Variants in ZNF333 observed in about 807,000 individuals in gnomAD.
The protein encoded by ZNF333 is zinc finger protein 333.
In ZNF333, 61 loss-of-function variants were observed where a neutral mutation model predicts 76.1. The ratio of observed to expected loss-of-function variants is 0.80; its 90% CI spans 0.65 to 0.99. The LOEUF (loss-of-function observed/expected upper bound fraction) is 0.99. ZNF333 is among the 50% of genes least tolerant of loss of function. The probability of loss-of-function intolerance (pLI) is 0.00; values close to 1 mark genes in which losing one functional copy is unlikely to be tolerated. For synonymous variants in ZNF333, 284 were observed against 305.0 expected, an observed-to-expected ratio of 0.93 and a Z score of 0.72; for missense variants, 717 against 822.4, an observed-to-expected ratio of 0.87 and a Z score of 1.57.
At position 14,720,575 on chromosome 19, in the gene ZNF333, A is replaced by G. The variant is rs2042564475; in HGVS notation, c.*1250A>G. 3 of 985,444 alleles carry G rather than the reference A, an allele frequency of 3.0e-6. No individual in the cohort carries two copies. The highest frequency in any genetic ancestry group is 4.7e-5 in the South Asian group (1 of 21,288). 61.0% of individuals were successfully genotyped at this position (985,444 alleles called of 1,614,324 possible). A position where few individuals can be genotyped will look rare whatever the true frequency, so the allele number is the denominator to read the frequency against. ...TCTGGATGTCCCATACATGAAAAAT[A>G]TGCACTTCTTACTGGTACAGTTTTC... is the stretch of plus-strand genomic sequence containing the variant. On this transcript the variant is annotated 3_prime_UTR_variant, in exon 12 of 12. Coordinates refer to ENST00000292530, the MANE Select transcript of ZNF333 (RefSeq NM_032433.4).
chr19:14,690,353 C>T (rs2146938228), intron 1 of ZNF333, among the ~76,000 whole-genome samples: 1 of 152,334 alleles, frequency 6.6e-6, no homozygotes, highest in East Asian at 1.9e-4. Context: ...TACCCCCCGT[C>T]CGGGCAGACA....
rs538953357 is a variant in ZNF333 at position 14,695,884 on chromosome 19, T to TA, written c.223+229dup. 2.1e-3 allele frequency among the ~76,000 whole-genome samples: 317 copies of TA among 152,308 alleles called. 1 individual carries two copies. The highest frequency in any genetic ancestry group is 7.5e-3 in the African/African-American group (310 of 41,558). On this transcript the variant is annotated intron_variant, in intron 4 of 11. Coordinates refer to ENST00000292530, the MANE Select transcript of ZNF333 (RefSeq NM_032433.4). ...GAAAAAGATTTGTTCTAATTTCTCT[T>TA]AAAAAATTAGAGGGCCAGGTGTGGT...
chr19:14,716,834 T>G (rs1172699760), intron 9 of ZNF333, among the ~76,000 whole-genome samples, 160 bp from the exon 10 acceptor site: 1 of 152,218 alleles, frequency 6.6e-6, no homozygotes, highest in Admixed American at 6.5e-5. Context: ...GAACTTGTAT[T>G]TAGTTGCTCA....
Position 14,718,893 on chromosome 19 carries a change from C to A in ZNF333, c.1566C>A (p.Asn522Lys). 6.2e-7 allele frequency: 1 copy of A among 1,614,118 alleles called. No individual in the cohort carries two copies. Among genetic ancestry groups the A allele is most frequent in the Non-Finnish European group, 8.5e-7 (1 of 1,180,014 alleles). The change falls in exon 12 of 12, where the codon AAC (asparagine) becomes AAA (lysine). Residue 522 changes from asparagine (N) to lysine (K), a missense_variant. Asn to Lys is a moderately conservative substitution (Grantham distance 94). Transcript: ENST00000292530. The part of the protein sequence containing the change: ...GKPFRTSTHL[N>K]VHKRIHTGEK... Reference sequence around the variant, plus strand: ...CCTTCCGGACGAGCACTCATCTGAACGTGCACAAGAGGATACACACAGGGG... The same window carrying A: ...CCTTCCGGACGAGCACTCATCTGAAAGTGCACAAGAGGATACACACAGGGG...
At chr19:14,731,298 T>C (rs1248924081) in exon 12 of ZNF333, 56 of 1,093,730 alleles carry the variant, frequency 5.1e-5, no homozygotes, top group Non-Finnish European at 7.5e-5. Context: ...ATCTGCAGAT[T>C]CTGAAGCTTG....
chr19:14,709,528 A>C (rs2042217708), intron 7 of ZNF333, among the ~76,000 whole-genome samples: 1 of 152,196 alleles, frequency 6.6e-6, no homozygotes, highest in Non-Finnish European at 1.5e-5. Flanking sequence ...CTGCAGACTG[A>C]ATTGTGCTCC....
intron 7 of ZNF333, among the ~76,000 whole-genome samples, chr19:14,709,717 C>T (rs1265517487): frequency 1.3e-5 from 2 of 152,224 alleles, no homozygotes; most frequent in Non-Finnish European, 2.9e-5. Flanking sequence ...CATGTGAGGA[C>T]ACAGCCAGAA....
rs767773638 is a variant in ZNF333, at chr19:14,719,116, C to A, written c.1789C>A (p.Arg597=). 1.2e-5 allele frequency: 20 copies of A among 1,613,966 alleles called. No individual in the cohort carries two copies. The highest frequency in any genetic ancestry group is 6.7e-5 in the Admixed American group (4 of 59,996). ...GCCCTATGCATGCCAGGAATGCGGG[C>A]GAGCCTTTGGTCAGTCTTCACATCT... ...KKPYACQECG[R]AFGQSSHLIV... is the part of the protein sequence containing the mutation. Residue 597 remains arginine, a synonymous_variant, in exon 12 of 12, where the codon CGA becomes AGA. Coordinates refer to ENST00000292530, the MANE Select transcript of ZNF333 (RefSeq NM_032433.4).
chr19:14,699,216 AAAC>A lies in ZNF333; in HGVS notation c.242_244del (p.Lys81_Pro82delinsThr). ...CATTTCAGCCTGGGAATCTCAACTT[AAAC>A]CCGAAGAGTTGCCTTCTATGCAGGA... On this transcript the variant is annotated inframe_deletion, in exon 5 of 12. Coordinates refer to ENST00000292530, the MANE Select transcript of ZNF333 (RefSeq NM_032433.4). The A allele has an allele frequency of 6.2e-7, 1 of 1,613,818 alleles. No homozygotes were observed. Among genetic ancestry groups the A allele is most frequent in the Non-Finnish European group, 8.5e-7 (1 of 1,179,842 alleles).
intron 3 of ZNF333, 112 bp downstream of exon 3, chr19:14,695,245 A>G (rs1284520789): frequency 1.4e-6 from 2 of 1,403,404 alleles, no homozygotes; most frequent in African/African-American, 1.4e-5. Flanking sequence ...CTTAGCGTCC[A>G]CAGGATGACA....
chr19:14,720,154 C>G lies in ZNF333; in HGVS notation c.*829C>G. 2.1e-6 allele frequency: 2 copies of G among 967,906 alleles called. No individual in the cohort carries two copies. Among genetic ancestry groups the G allele is most frequent in the Non-Finnish European group, 2.5e-6 (2 of 814,140 alleles). The allele number at this position is 967,906 out of a possible 1,614,324, so 60.0% of individuals were successfully genotyped here. A position where few individuals can be genotyped will look rare whatever the true frequency, so the allele number is the denominator to read the frequency against. On this transcript the variant is annotated 3_prime_UTR_variant, in exon 12 of 12. Transcript: ENST00000292530. ...TGAGCCGAGATTGCGCCACTGCACT[C>G]CAGCCTGGGCAACAGAGTGAAACTC...
At chr19:14,712,320 C>T (rs533212253) in intron 7 of ZNF333, among the ~76,000 whole-genome samples, 7 of 151,920 alleles carry the variant, frequency 4.6e-5, no homozygotes, top group South Asian at 2.1e-4. Flanking sequence ...CCTAGGTTCA[C>T]GTGATTCTCG....
chr19:14,718,928 A>G lies in ZNF333; in HGVS notation c.1601A>G (p.Tyr534Cys), dbSNP rs766149983. 2.2e-5 allele frequency: 36 copies of G among 1,614,012 alleles called. No homozygotes were observed. In the East Asian group the frequency reaches 7.8e-4, roughly 35 times the overall value. ...HKRIHTGEKLYECATCGQVLS... is the reference protein window; with the variant it reads ...HKRIHTGEKLCECATCGQVLS... ...AGGATACACACAGGGGAGAAACTGT[A>G]TGAGTGCGCGACTTGCGGTCAGGTC... is the stretch of plus-strand genomic sequence containing the variant. Residue 534 changes from tyrosine (Y) to cysteine (C), a missense_variant, in exon 12 of 12, where the codon TAT becomes TGT. By Grantham distance (194) the Tyr-to-Cys change is radical. Coordinates refer to ENST00000292530, the MANE Select transcript of ZNF333 (RefSeq NM_032433.4).
intron 1 of ZNF333, among the ~76,000 whole-genome samples, chr19:14,692,622 C>G (rs1972855753): frequency 6.6e-6 from 1 of 152,094 alleles, no homozygotes; most frequent in South Asian, 2.1e-4. Flanking sequence ...CAGCGATTTT[C>G]TGGCCTCAGC....
Position 14,716,996 on chromosome 19 carries a change from G to T in ZNF333, c.730G>T (p.Asp244Tyr). ...ENYRNLASVA[D>Y]QLCKPNALSY... ...ATGTGTTTTTTTCTCATGAGCAGCT[G>T]ATCAACTGTGCAAACCCAATGCGTT... is the stretch of plus-strand genomic sequence containing the variant. Residue 244 changes from aspartate to tyrosine, a missense_variant and splice_region_variant, in exon 10 of 12, where the codon GAT becomes TAT. Coordinates refer to ENST00000292530, the MANE Select transcript of ZNF333 (RefSeq NM_032433.4). 6.2e-7 allele frequency: 1 copy of T among 1,610,608 alleles called. No individual in the cohort carries two copies. The highest frequency in any genetic ancestry group is 1.1e-5 in the South Asian group (1 of 90,224).
chr19:14,713,784 C>A (rs1035626502), intron 7 of ZNF333, among the ~76,000 whole-genome samples: 1 of 151,904 alleles, frequency 6.6e-6, no homozygotes, highest in East Asian at 1.9e-4. Context: ...ATAGTGAGAC[C>A]CCCATCTCTA....
intron 11 of ZNF333, among the ~76,000 whole-genome samples, chr19:14,730,749 A>G (rs1297204737): frequency 6.6e-6 from 1 of 151,828 alleles, no homozygotes; most frequent in Non-Finnish European, 1.5e-5. Context: ...TGGGGTACAA[A>G]TGAATCCAGT....
intron 8 of ZNF333, 48 bp downstream of exon 8, chr19:14,715,518 C>G: frequency 6.4e-7 from 1 of 1,552,026 alleles, no homozygotes; most frequent in Non-Finnish European, 8.9e-7. Flanking sequence ...TGCCCAAAGG[C>G]TGGACTTACC....
At chr19:14,723,559 T>G (rs924276071), downstream of ZNF333, among the ~76,000 whole-genome samples, 1 of 152,262 alleles carries the variant, frequency 6.6e-6, no homozygotes, top group Non-Finnish European at 1.5e-5. Flanking sequence ...TACAGGTTCT[T>G]CATCTCATTG....
Sources: allele counts gnomAD v4.1 joint callset (sites outside exome capture counted in the v4.1 genomes callset), GRCh38; gene constraint gnomAD v4.1.1; transcripts MANE v1.5; gene names NCBI Gene and HGNC (gene_info 2026-07-23, HGNC 2026-07-21).